Variants in PCDH11X observed in about 807,000 individuals in gnomAD.
The protein encoded by PCDH11X is protocadherin 11 X-linked.
Under a neutral mutation model 53.3 loss-of-function variants are expected in PCDH11X, and 18 were observed. The ratio of observed to expected loss-of-function variants is 0.34; its 90% CI spans 0.23 to 0.50. PCDH11X has a LOEUF of 0.50. Ranked by LOEUF, PCDH11X falls within the 20% of genes least tolerant of loss-of-function variation. PCDH11X has a pLI of 0.98. For missense variants in PCDH11X, 570 were observed against 1,032.4 expected (o/e 0.55, Z 6.14); for synonymous variants, 279 against 393.3 (o/e 0.71, Z 3.44).
At chrX:92,543,481 A>T (rs1602295512) in intron 10 of PCDH11X, among the ~76,000 whole-genome samples, 2 of 106,783 alleles carry the variant, frequency 1.9e-5, no homozygotes, top group East Asian at 6.0e-4. Context: ...AAACCCTAGT[A>T]ATCAGAAAGT....
At chrX:91,930,810 A>G (rs773820186) in intron 6 of PCDH11X, among the ~76,000 whole-genome samples, 140 of 104,691 alleles carry the variant, frequency 1.3e-3, no homozygotes, top group Middle Eastern at 4.8e-3. Flanking sequence ...ACCAGACAAC[A>G]TGGTAAATAA....
intron 10 of PCDH11X, among the ~76,000 whole-genome samples, chrX:92,574,568 C>T (rs1343309890): frequency 2.3e-4 from 26 of 110,682 alleles, no homozygotes; most frequent in Admixed American, 6.8e-4. Flanking sequence ...AGCAATAATT[C>T]ATTTTTTCAA....
intron 6 of PCDH11X, among the ~76,000 whole-genome samples, chrX:91,985,636 C>A (rs2062217356): frequency 8.9e-6 from 1 of 112,654 alleles, no homozygotes; most frequent in African/African-American, 3.2e-5. Context: ...CATATTCCAA[C>A]TGAAATGGAG....
intron 10 of PCDH11X, among the ~76,000 whole-genome samples, chrX:92,468,875 C>CA (rs1356300596): frequency 1.0e-5 from 1 of 96,243 alleles, no homozygotes; most frequent in Non-Finnish European, 2.1e-5. Flanking sequence ...GGTTGACAGA[C>CA]AAAATATTTC....
intron 6 of PCDH11X, among the ~76,000 whole-genome samples, chrX:91,901,159 T>C (rs752990943): frequency 9.0e-6 from 1 of 111,032 alleles, no homozygotes; most frequent in African/African-American, 3.3e-5. Flanking sequence ...AGGTTTGTTG[T>C]GTAAATTAAA....
chrX:92,110,345 A>G (rs1469070695), intron 6 of PCDH11X, among the ~76,000 whole-genome samples: 10 of 108,127 alleles, frequency 9.2e-5, no homozygotes, highest in Non-Finnish European at 1.7e-4. Flanking sequence ...CAAATCAAAG[A>G]AAAAGTTTTG....
intron 10 of PCDH11X, among the ~76,000 whole-genome samples, chrX:92,482,967 CAA>C (rs1385426614): frequency 3.7e-5 from 4 of 109,240 alleles, no homozygotes; most frequent in Non-Finnish European, 7.6e-5. Flanking sequence ...TATCTGACAC[CAA>C]ACATTAAACA....
intron 7 of PCDH11X, among the ~76,000 whole-genome samples, chrX:92,239,808 T>C (rs748732613): frequency 5.4e-5 from 6 of 111,864 alleles, no homozygotes; most frequent in East Asian, 2.8e-4. Flanking sequence ...ATGCCTAAGA[T>C]TGGGATGTAG....
intron 6 of PCDH11X, among the ~76,000 whole-genome samples, chrX:92,199,668 T>C (rs982094536): frequency 2.7e-5 from 3 of 110,468 alleles, no homozygotes; most frequent in Non-Finnish European, 3.8e-5. Flanking sequence ...TATAACTATG[T>C]AATTTTGGAG....
intron 7 of PCDH11X, among the ~76,000 whole-genome samples, chrX:92,228,057 C>T (rs2148365459): frequency 9.0e-6 from 1 of 111,465 alleles, no homozygotes; most frequent in African/African-American, 3.2e-5. Flanking sequence ...CTTCAAGTTT[C>T]TATTTTTGTG....
chrX:92,073,267 T>C (rs1157111398), intron 6 of PCDH11X, among the ~76,000 whole-genome samples: 1 of 112,334 alleles, frequency 8.9e-6, no homozygotes, highest in Non-Finnish European at 1.9e-5. Flanking sequence ...GTACTATGAT[T>C]GCTTACCTGA....
intron 6 of PCDH11X, among the ~76,000 whole-genome samples, chrX:92,008,833 T>C (rs1263092604): frequency 9.0e-6 from 1 of 111,042 alleles, no homozygotes; most frequent in African/African-American, 3.3e-5. Flanking sequence ...CACAAACTAT[T>C]GTACTGATCA....
Position 92,393,216 on chromosome X carries a change from A to G in PCDH11X, c.3343+5283A>G, listed in dbSNP as rs767376570. Among the ~76,000 whole-genome samples the G allele has an allele frequency of 5.4e-5, 6 of 111,070 alleles. No individual in the cohort carries two copies. In the Admixed American group the frequency reaches 5.8e-4, roughly 11 times the overall value. On this transcript the variant is annotated intron_variant, in intron 9 of 10. Coordinates refer to ENST00000682573, the MANE Select transcript of PCDH11X (RefSeq NM_032968.5). Reference sequence around the variant, plus strand: ...AACAAAAAGAAATTATGCTCCCTTTAAAGGTTAATTACGTAGCAAGGCCAA... The same window carrying G: ...AACAAAAAGAAATTATGCTCCCTTTGAAGGTTAATTACGTAGCAAGGCCAA...
At chrX:91,885,917 A>G (rs1940175410) in intron 6 of PCDH11X, among the ~76,000 whole-genome samples, 1 of 111,835 alleles carries the variant, frequency 8.9e-6, no homozygotes, top group Admixed American at 9.5e-5. Flanking sequence ...TAAGCCAATG[A>G]TAGTACAGAG....
chrX:92,437,319 TA>T (rs1246711288), intron 9 of PCDH11X, among the ~76,000 whole-genome samples: 2 of 111,767 alleles, frequency 1.8e-5, no homozygotes, highest in Non-Finnish European at 3.8e-5. Flanking sequence ...ATGATTTTAG[TA>T]AAATTTTATA....
At chrX:92,257,135 C>A (rs1179362041) in intron 7 of PCDH11X, among the ~76,000 whole-genome samples, 1 of 111,014 alleles carries the variant, frequency 9.0e-6, no homozygotes, top group Admixed American at 9.6e-5. Context: ...CTTCACATGG[C>A]CAGAAAAGGA....
intron 8 of PCDH11X, among the ~76,000 whole-genome samples, chrX:92,278,211 C>T (rs1047965303): frequency 9.0e-6 from 1 of 111,399 alleles, no homozygotes; most frequent in Non-Finnish European, 1.9e-5. Flanking sequence ...TAAAAAGAGG[C>T]CGCTTACCGG....
chrX:92,377,439 T>C (rs765155668), intron 8 of PCDH11X, among the ~76,000 whole-genome samples: 386 of 111,541 alleles, frequency 3.5e-3, no homozygotes, highest in African/African-American at 0.012. Flanking sequence ...CTTGTCTTCA[T>C]TGTAAATAAA....
chrX:91,984,777 A>G (rs1413494723), intron 6 of PCDH11X, among the ~76,000 whole-genome samples: 1 of 111,725 alleles, frequency 9.0e-6, no homozygotes, highest in African/African-American at 3.3e-5. Flanking sequence ...ACATAGGCAT[A>G]GTTCCTTGGA....
Sources: gnomAD v4.1 joint callset for allele counts (sites outside exome capture counted in the v4.1 genomes callset) on GRCh38, gnomAD v4.1.1 for gene constraint, MANE v1.5 for transcripts, NCBI Gene and HGNC (gene_info 2026-07-23, HGNC 2026-07-21) for gene names.